The following LINGO2 variants were observed in gnomAD, a reference collection of about 807,000 sequenced individuals.
LINGO2 encodes the protein leucine rich repeat and Ig domain containing 2.
In LINGO2, 14 loss-of-function variants were observed where a neutral mutation model predicts 30.6. The observed-to-expected ratio is 0.46, with a 90% CI of 0.30 to 0.72. The LOEUF is 0.72. Among genes scored for constraint, LINGO2 ranks in the 30% least tolerant of loss-of-function variants. The pLI is 0.07. For synonymous variants in LINGO2, 317 were observed against 288.5 expected (o/e 1.10, Z -1.00); for missense variants, 729 against 751.7 (o/e 0.97, Z 0.35).
chr9:28,229,939 G>A (rs1387808178), intron 4 of LINGO2, among the ~76,000 whole-genome samples: 2 of 151,722 alleles, frequency 1.3e-5, no homozygotes, highest in African/African-American at 4.8e-5. Flanking sequence ...CTTGTACAAA[G>A]GAGCTGATTT....
At chr9:27,977,770 A>C (rs138098488) in intron 5 of LINGO2, among the ~76,000 whole-genome samples, 29 of 151,956 alleles carry the variant, frequency 1.9e-4, no homozygotes, top group African/African-American at 6.8e-4. Flanking sequence ...TCACGTTGGC[A>C]AAATGCTTCC....
At chr9:28,073,898 A>T (rs1254427463) in intron 4 of LINGO2, among the ~76,000 whole-genome samples, 1 of 151,964 alleles carries the variant, frequency 6.6e-6, no homozygotes, top group South Asian at 2.1e-4. Flanking sequence ...TTTTTGATGG[A>T]GGTTTTCTTG....
chr9:29,129,243 T>C, the LINGO2 span, among the ~76,000 whole-genome samples: 1 of 152,110 alleles, frequency 6.6e-6, no homozygotes, highest in Non-Finnish European at 1.5e-5. Flanking sequence ...TCACTGGCTA[T>C]TTAAAAAAAT....
the LINGO2 span, among the ~76,000 whole-genome samples, chr9:29,123,515 C>G: frequency 6.6e-6 from 1 of 151,398 alleles, no homozygotes; most frequent in Admixed American, 6.6e-5. Context: ...ATTCCTATGC[C>G]AAATCCTATC....
chr9:28,621,592 T>C (rs981649759), intron 1 of LINGO2, among the ~76,000 whole-genome samples: 4 of 152,056 alleles, frequency 2.6e-5, no homozygotes, highest in Admixed American at 6.6e-5. Flanking sequence ...CAAATGTTCC[T>C]GAGATATATA....
chr9:27,963,482 T>C (rs1819945396), intron 5 of LINGO2, among the ~76,000 whole-genome samples: 1 of 152,098 alleles, frequency 6.6e-6, no homozygotes, highest in Admixed American at 6.6e-5. Context: ...GGTTGTTGTA[T>C]GTTGTTTAAA....
chr9:28,431,441 C>T (rs529418023), intron 2 of LINGO2, among the ~76,000 whole-genome samples: 2 of 152,156 alleles, frequency 1.3e-5, no homozygotes, highest in South Asian at 4.2e-4. Context: ...CATATTAAAT[C>T]CCTTAAATAA....
At chr9:29,100,591 T>A in the LINGO2 span, among the ~76,000 whole-genome samples, 1 of 147,470 alleles carries the variant, frequency 6.8e-6, no homozygotes, top group Non-Finnish European at 1.5e-5. Context: ...AAGACTCTTA[T>A]CTCAAAAAAA....
chr9:28,951,824 C>T, the LINGO2 span, among the ~76,000 whole-genome samples: 888 of 152,164 alleles, frequency 5.8e-3, 12 homozygotes, highest in African/African-American at 0.02. Flanking sequence ...AGCTCTCCAA[C>T]AAATATTTAA....
At chr9:27,987,042 G>T (rs554223741) in intron 5 of LINGO2, among the ~76,000 whole-genome samples, 59 of 151,466 alleles carry the variant, frequency 3.9e-4, no homozygotes, top group Admixed American at 2.4e-3. Flanking sequence ...ACTTTTTTTT[G>T]TGTGTGTGTG....
chr9:28,195,953 A>C (rs1371189468), intron 4 of LINGO2, among the ~76,000 whole-genome samples: 1 of 151,684 alleles, frequency 6.6e-6, no homozygotes. Context: ...TCCATGAAAA[A>C]CTGGTGTATT....
the LINGO2 span, among the ~76,000 whole-genome samples, chr9:28,791,948 A>T: frequency 2.3e-4 from 35 of 151,594 alleles, no homozygotes; most frequent in African/African-American, 8.0e-4. Flanking sequence ...TAATCACAGT[A>T]ATTATCATAT....
the LINGO2 span, among the ~76,000 whole-genome samples, chr9:28,992,069 G>A: frequency 6.6e-6 from 1 of 152,118 alleles, no homozygotes; most frequent in Non-Finnish European, 1.5e-5. Context: ...ACACAGACTG[G>A]CAAGTTGGAT....
the LINGO2 span, among the ~76,000 whole-genome samples, chr9:29,093,423 A>G: frequency 3.7e-5 from 5 of 134,158 alleles, 1 homozygote; most frequent in Non-Finnish European, 8.0e-5. Context: ...AACAAGATAT[A>G]TATAACATTT....
At chr9:28,877,373 T>G in the LINGO2 span, among the ~76,000 whole-genome samples, 1 of 148,422 alleles carries the variant, frequency 6.7e-6, no homozygotes. Flanking sequence ...TCTAGGGTTT[T>G]TATGGTTTTA....
the LINGO2 span, among the ~76,000 whole-genome samples, chr9:28,901,241 T>C: frequency 2.0e-5 from 3 of 152,100 alleles, no homozygotes; most frequent in South Asian, 6.2e-4. Flanking sequence ...ACGAAGGAGA[T>C]ATAAAGACTT....
chr9:28,675,793 C>T, the LINGO2 span, among the ~76,000 whole-genome samples: 1 of 150,484 alleles, frequency 6.6e-6, no homozygotes, highest in East Asian at 2.0e-4. Flanking sequence ...ATTGCTTGAA[C>T]CTGGGAGGCA....
At chr9:28,653,427 A>G (rs1828196624) in intron 1 of LINGO2, among the ~76,000 whole-genome samples, 2 of 152,144 alleles carry the variant, frequency 1.3e-5, no homozygotes, top group Non-Finnish European at 1.5e-5. Flanking sequence ...CCATAGCCCA[A>G]CCCAACAATA....
chr9:28,418,899 T>G (rs2150856), intron 2 of LINGO2, among the ~76,000 whole-genome samples: 140,340 of 152,064 alleles, frequency 0.92, 64,832 homozygotes, highest in East Asian at 1. Flanking sequence ...AATGAATATT[T>G]TTGATTTCAA....
Sources: gnomAD v4.1 joint callset for allele counts (sites outside exome capture counted in the v4.1 genomes callset) on GRCh38, gnomAD v4.1.1 for gene constraint, MANE v1.5 for transcripts, NCBI Gene and HGNC (gene_info 2026-07-23, HGNC 2026-07-21) for gene names.